GJB7: variants seen among roughly 807,000 people sequenced by gnomAD.
The protein encoded by GJB7 is gap junction beta-7 protein.
For synonymous variants in GJB7, 87 were observed against 95.2 expected (o/e 0.91, Z 0.50); for missense variants, 253 against 256.8 (o/e 0.99, Z 0.10).
intron 2 of GJB7, among the ~76,000 whole-genome samples, chr6:87,288,956 C>T (rs1776114958): frequency 6.6e-6 from 1 of 152,156 alleles, no homozygotes; most frequent in East Asian, 1.9e-4. Flanking sequence ...AAAATGGAGA[C>T]TGTATATTCT....
chr6:87,328,909 G>T (rs1257883659), intron 1 of GJB7, among the ~76,000 whole-genome samples: 1 of 152,210 alleles, frequency 6.6e-6, no homozygotes, highest in South Asian at 2.1e-4. Context: ...GCCAGACTCC[G>T]TGGGCGTAGG....
At chr6:87,323,285 T>A (rs963416303) in intron 1 of GJB7, among the ~76,000 whole-genome samples, 5 of 152,128 alleles carry the variant, frequency 3.3e-5, no homozygotes, top group Non-Finnish European at 5.9e-5. Flanking sequence ...TTTATTTATT[T>A]GTTATTATTA....
intron 2 of GJB7, among the ~76,000 whole-genome samples, chr6:87,305,494 G>A (rs1263139651): frequency 2.0e-5 from 3 of 152,136 alleles, no homozygotes; most frequent in Non-Finnish European, 2.9e-5. Flanking sequence ...TCTTCAAGGA[G>A]AACTACAAAC....
chr6:87,313,757 G>A (rs1156231010), intron 2 of GJB7, among the ~76,000 whole-genome samples: 2 of 152,230 alleles, frequency 1.3e-5, no homozygotes, highest in African/African-American at 2.4e-5. Flanking sequence ...ACCTTATCAT[G>A]TAGGTCAGCG....
At position 87,283,272 on chromosome 6, in the gene GJB7, T is replaced by C. The variant is rs1217377897; in HGVS notation, c.*969A>G. 6.6e-6 allele frequency: 1 copy of C among 152,240 alleles called. No homozygotes were observed. The highest frequency in any genetic ancestry group is 1.5e-5 in the Non-Finnish European group (1 of 68,036). 9.4% of individuals were successfully genotyped at this position (152,240 alleles called of 1,614,324 possible). A position where few individuals can be genotyped will look rare whatever the true frequency, so the allele number is the denominator to read the frequency against. ...TGAAAGGTTCAACAATATGAATATT[T>C]ACAAAGTATTTCAATGTTCTTTTGG... On this transcript the variant is annotated 3_prime_UTR_variant, in exon 3 of 3. Coordinates refer to ENST00000525899, the MANE Select transcript of GJB7 (RefSeq NM_198568.3).
rs1165697142 is a variant in GJB7, at chr6:87,283,899, A to G, written c.*342T>C. On this transcript the variant is annotated 3_prime_UTR_variant, in exon 3 of 3. Transcript: ENST00000525899. ...AAAGAATCCTGTTAGATTTCTTCAG[A>G]CTAATTTGCAATTACCTATTCTAAA... 1 of 172,102 alleles carries G rather than the reference A, an allele frequency of 5.8e-6. No individual in the cohort carries two copies. The highest frequency in any genetic ancestry group is 1.2e-5 in the Non-Finnish European group (1 of 81,940). 10.7% of individuals were successfully genotyped at this position (172,102 alleles called of 1,614,324 possible). A position where few individuals can be genotyped will look rare whatever the true frequency, so the allele number is the denominator to read the frequency against.
intron 2 of GJB7, among the ~76,000 whole-genome samples, chr6:87,312,701 G>A (rs1164367564): frequency 5.3e-5 from 8 of 152,108 alleles, no homozygotes; most frequent in Admixed American, 2.0e-4. Flanking sequence ...CCCAGTTTCC[G>A]TTATTACATA....
intron 2 of GJB7, among the ~76,000 whole-genome samples, chr6:87,310,888 T>C (rs922819184): frequency 6.6e-6 from 1 of 152,202 alleles, no homozygotes; most frequent in Non-Finnish European, 1.5e-5. Context: ...ATTATATTAC[T>C]ATAAAACTTT....
chr6:87,307,223 A>C (rs1776443114), intron 2 of GJB7, among the ~76,000 whole-genome samples: 2 of 151,730 alleles, frequency 1.3e-5, no homozygotes, highest in Non-Finnish European at 2.9e-5. Context: ...AACTATTAAA[A>C]AAAAGATGGA....
At chr6:87,321,651 ATTTTTGG>A (rs1776664553) in intron 2 of GJB7, among the ~76,000 whole-genome samples, 1 of 151,954 alleles carries the variant, frequency 6.6e-6, no homozygotes, top group African/African-American at 2.4e-5. Context: ...TTAGAATTTT[ATTTTTGG>A]TTTTTGTATT....
At chr6:87,318,749 C>T (rs866308715) in intron 2 of GJB7, among the ~76,000 whole-genome samples, 13 of 152,106 alleles carry the variant, frequency 8.5e-5, no homozygotes, top group Admixed American at 3.3e-4. Flanking sequence ...ATTACCAAAA[C>T]GTGTAATTTT....
At chr6:87,298,015 CA>C (rs932800017) in intron 2 of GJB7, among the ~76,000 whole-genome samples, 1 of 152,086 alleles carries the variant, frequency 6.6e-6, no homozygotes, top group East Asian at 1.9e-4. Context: ...TTTGATCAAT[CA>C]AAAGTAAGTA....
At chr6:87,297,513 A>T (rs1167551649) in intron 2 of GJB7, among the ~76,000 whole-genome samples, 1 of 152,244 alleles carries the variant, frequency 6.6e-6, no homozygotes, top group African/African-American at 2.4e-5. Flanking sequence ...ATTAGTAAAA[A>T]GTAATCAGAA....
chr6:87,301,994 A>G (rs58915055), intron 2 of GJB7, among the ~76,000 whole-genome samples: 1,684 of 152,338 alleles, frequency 0.011, 35 homozygotes, highest in African/African-American at 0.037. Flanking sequence ...AAAACTAACA[A>G]ACACAAAGGA....
chr6:87,319,055 C>T (rs1289073657), intron 2 of GJB7, among the ~76,000 whole-genome samples: 2 of 152,020 alleles, frequency 1.3e-5, no homozygotes, highest in African/African-American at 4.8e-5. Context: ...TTTGGGAACC[C>T]CAGATTAAAA....
chr6:87,298,886 T>G (rs116441172), intron 2 of GJB7: 128 of 395,898 alleles, frequency 3.2e-4, no homozygotes, highest in African/African-American at 2.6e-3. Flanking sequence ...CAAGCCTTAC[T>G]GCTTCAGGGT....
chr6:87,315,187 A>T (rs1252779399), intron 2 of GJB7, among the ~76,000 whole-genome samples: 1 of 152,148 alleles, frequency 6.6e-6, no homozygotes, highest in East Asian at 1.9e-4. Flanking sequence ...CCCTTGTGTG[A>T]AGTGGGCGTC....
intron 2 of GJB7, among the ~76,000 whole-genome samples, chr6:87,298,557 A>G (rs1012087533): frequency 2.0e-5 from 3 of 152,252 alleles, no homozygotes; most frequent in Admixed American, 1.3e-4. Flanking sequence ...GATGAAGATG[A>G]TATGTTCCTA....
rs1437730983 is a variant in GJB7 at position 87,283,589 on chromosome 6, C to T, written c.*652G>A. The T allele has an allele frequency of 6.6e-6, 1 of 152,418 alleles. No homozygotes were observed. The highest frequency in any genetic ancestry group is 6.5e-5 in the Admixed American group (1 of 15,276). 9.4% of individuals were successfully genotyped at this position (152,418 alleles called of 1,614,324 possible). A position where few individuals can be genotyped will look rare whatever the true frequency, so the allele number is the denominator to read the frequency against. On this transcript the variant is annotated 3_prime_UTR_variant, in exon 3 of 3. Transcript: ENST00000525899. ...CTGTGGCCTTTTCCCTAGGCGGGACCTTCCTGTTGAATGTTCCTCTGTGTG... is the reference window on the plus strand; with the variant it reads ...CTGTGGCCTTTTCCCTAGGCGGGACTTTCCTGTTGAATGTTCCTCTGTGTG...
Sources: gnomAD v4.1 joint callset for allele counts (sites outside exome capture counted in the v4.1 genomes callset) on GRCh38, gnomAD v4.1.1 for gene constraint, MANE v1.5 for transcripts, NCBI Gene and HGNC (gene_info 2026-07-23, HGNC 2026-07-21) for gene names.